Variants in PPP2R3B observed in about 807,000 individuals in gnomAD.
PPP2R3B encodes serine/threonine-protein phosphatase 2A regulatory subunit B'' subunit beta.
A neutral mutation model predicts 72.9 loss-of-function variants in PPP2R3B; 68 were observed. The ratio of observed to expected loss-of-function variants is 0.93; its 90% confidence interval spans 0.77 to 1.14. The LOEUF (loss-of-function observed/expected upper bound fraction) is 1.14, where lower values mean the gene tolerates loss of function less well. PPP2R3B is among the 50% of genes most tolerant of loss of function. The pLI is 0.00. For synonymous variants in PPP2R3B, 466 were observed against 375.8 expected, an observed-to-expected ratio of 1.24 and a Z score of -2.78; for missense variants, 1,018 against 842.0, an observed-to-expected ratio of 1.21 and a Z score of -2.59.
chrX:384,982 C>CA (rs773590401), intron 1 of PPP2R3B, among the ~76,000 whole-genome samples: 27,121 of 62,338 alleles, frequency 0.44, 5,646 homozygotes, highest in Non-Finnish European at 0.48. Flanking sequence ...GAATCTGTCT[C>CA]AAAAAAAAAA....
intron 2 of PPP2R3B, 57 bp from the exon 3 acceptor site, chrX:347,750 G>A (rs1270297958): frequency 7.5e-7 from 1 of 1,333,580 alleles, no homozygotes; most frequent in Non-Finnish European, 1.0e-6. Flanking sequence ...CGGCGCTCCT[G>A]CTGCGTACCT....
At chrX:364,290 A>AG (rs966266292) in intron 1 of PPP2R3B, among the ~76,000 whole-genome samples, 1 of 151,964 alleles carries the variant, frequency 6.6e-6, no homozygotes, top group African/African-American at 2.4e-5. Flanking sequence ...CGAGCTGGGC[A>AG]GGGGGGAGTT....
At chrX:380,860 T>C (rs1190872892) in intron 1 of PPP2R3B, among the ~76,000 whole-genome samples, 2 of 149,736 alleles carry the variant, frequency 1.3e-5, no homozygotes, top group Non-Finnish European at 3.0e-5. Flanking sequence ...GAACTTACTT[T>C]AAAGATGCAT....
intron 1 of PPP2R3B, among the ~76,000 whole-genome samples, chrX:367,429 C>CTTTT (rs113231924): frequency 1.7e-4 from 25 of 149,132 alleles, no homozygotes; most frequent in South Asian, 6.4e-4. Context: ...GTCGACGTTC[C>CTTTT]TTTTTTTTTT....
At position 361,601 on chromosome X, in the gene PPP2R3B, G is replaced by A. The variant is rs755787266; in HGVS notation, c.325-11C>T. ...TTTCCGTGTCTGAACCTGAAGAGTC[G>A]ACAGACAGCGCTCAGTTAGAACCTG... On this transcript the variant is annotated splice_polypyrimidine_tract_variant and intron_variant, in intron 1 of 12. Transcript: ENST00000390665. 9 of 1,613,086 alleles carry A rather than the reference G, an allele frequency of 5.6e-6. No individual in the cohort carries two copies. The highest frequency in any genetic ancestry group is 3.3e-5 in the Admixed American group (2 of 59,960).
intron 12 of PPP2R3B, 121 bp from the exon 13 acceptor site, chrX:334,638 C>A: frequency 8.5e-7 from 1 of 1,169,866 alleles, no homozygotes; most frequent in South Asian, 2.1e-5. Context: ...CTGAGCCGAC[C>A]TTGAGCTCCA....
chrX:379,645 T>C (rs1027277868), intron 1 of PPP2R3B, among the ~76,000 whole-genome samples: 2 of 152,228 alleles, frequency 1.3e-5, no homozygotes, highest in Admixed American at 6.5e-5. Context: ...GATAGAAACT[T>C]AATCAAGGAG....
At chrX:374,968 C>G (rs1263050600) in intron 1 of PPP2R3B, among the ~76,000 whole-genome samples, 1 of 152,138 alleles carries the variant, frequency 6.6e-6, no homozygotes, top group Non-Finnish European at 1.5e-5. Context: ...TCCGAGTGTC[C>G]TAGACTTGGA....
At chrX:350,950 A>C (rs2071317892) in intron 2 of PPP2R3B, among the ~76,000 whole-genome samples, 1 of 152,120 alleles carries the variant, frequency 6.6e-6, no homozygotes, top group Admixed American at 6.5e-5. Context: ...ACGCCAGAGC[A>C]GGGACTGGAG....
chrX:338,766 C>A lies in PPP2R3B; in HGVS notation c.1470+12G>T. On this transcript the variant is annotated intron_variant, in intron 11 of 12. Transcript: ENST00000390665. Reference sequence around the variant, plus strand: ...CGTGGCGCGGCCCGGCCCGCGTGCCCGCCGCACTCACCCTGAGCAGGGAGA... The same window carrying A: ...CGTGGCGCGGCCCGGCCCGCGTGCCAGCCGCACTCACCCTGAGCAGGGAGA... 6.2e-7 allele frequency: 1 copy of A among 1,611,812 alleles called. No homozygotes were observed.
chrX:386,579 C>T lies in PPP2R3B; in HGVS notation c.113G>A (p.Arg38Gln). The change falls in exon 1 of 13, where the codon CGG becomes CAG. Residue 38 changes from arginine (R) to glutamine (Q), a missense_variant. Physicochemically the swap from Arg to Gln is conservative, Grantham distance 43. Coordinates refer to ENST00000390665, the MANE Select transcript of PPP2R3B (RefSeq NM_013239.5). Reference sequence around the variant, plus strand: ...CTGGTCCCGCCCGGGCGCCTTGATCCGGCGCAGGCAGTCCTGCAGCATCCG... The same window carrying T: ...CTGGTCCCGCCCGGGCGCCTTGATCTGGCGCAGGCAGTCCTGCAGCATCCG... ...TQRMLQDCLR[R>Q]IKAPGRDQPT... 1 of 1,448,740 alleles carries T rather than the reference C, an allele frequency of 6.9e-7. No individual in the cohort carries two copies. The highest frequency in any genetic ancestry group is 3.1e-5 in the East Asian group (1 of 32,352). 89.7% of individuals were successfully genotyped at this position (1,448,740 alleles called of 1,614,324 possible).
chrX:345,356 G>A (rs1156781960), intron 7 of PPP2R3B, 160 bp downstream of exon 7: 3 of 1,032,490 alleles, frequency 2.9e-6, no homozygotes, highest in East Asian at 5.2e-5. Context: ...ACTGGGGAAG[G>A]AGAGGCAGCT....
chrX:352,997 G>A (rs1017386781), intron 2 of PPP2R3B, among the ~76,000 whole-genome samples: 5 of 151,658 alleles, frequency 3.3e-5, no homozygotes, highest in Non-Finnish European at 2.9e-5. Context: ...GGGCTCTGCT[G>A]GGGGGTGACT....
Position 334,121 on chromosome X carries a change from C to A in PPP2R3B, c.*246G>T. The A allele has an allele frequency of 2.5e-6, 1 of 397,776 alleles. No homozygotes were observed. Among genetic ancestry groups the A allele is most frequent in the Non-Finnish European group, 4.4e-6 (1 of 228,060 alleles). 24.6% of individuals were successfully genotyped at this position (397,776 alleles called of 1,614,324 possible). A position where few individuals can be genotyped will look rare whatever the true frequency, so the allele number is the denominator to read the frequency against. On this transcript the variant is annotated 3_prime_UTR_variant, in exon 13 of 13. Coordinates refer to ENST00000390665, the MANE Select transcript of PPP2R3B (RefSeq NM_013239.5). ...CCCAGGCTGGGTCGGGAACGGCAAG[C>A]GCCAGAGGGTGTCCGTGTGGGAACC...
chrX:380,821 C>T (rs1223094318), intron 1 of PPP2R3B, among the ~76,000 whole-genome samples: 2 of 148,210 alleles, frequency 1.3e-5, no homozygotes, highest in Non-Finnish European at 3.0e-5. Context: ...AGCAGCTCAT[C>T]CACATGAGGT....
intron 1 of PPP2R3B, among the ~76,000 whole-genome samples, chrX:382,532 T>C (rs954826649): frequency 2.2e-4 from 33 of 147,624 alleles, no homozygotes; most frequent in Non-Finnish European, 4.5e-4. Context: ...CTGCCCCCTA[T>C]ACCCAATAAA....
intron 2 of PPP2R3B, chrX:359,760 A>T (rs1434932756): frequency 2.1e-6 from 1 of 474,178 alleles, no homozygotes; most frequent in Non-Finnish European, 4.1e-6. Flanking sequence ...GTTCATACTC[A>T]TACACATATT....
rs774292498 is a variant in PPP2R3B at position 334,378 on chromosome X, C to T, written c.1717G>A (p.Glu573Lys). Reference sequence around the variant, plus strand: ...TCTCGCGGGCGGCGTCACAGCGGCTCCAGGTCCTCGTCCCCGCATGCGTAC... The same window carrying T: ...TCTCGCGGGCGGCGTCACAGCGGCTTCAGGTCCTCGTCCCCGCATGCGTAC... ...YEYACGDEDL[E>K]PL The change falls in exon 13 of 13, where the codon GAG becomes AAG. Residue 573 changes from glutamate to lysine, a missense_variant. Coordinates refer to ENST00000390665, the MANE Select transcript of PPP2R3B (RefSeq NM_013239.5). 2.6e-6 allele frequency: 4 copies of T among 1,516,812 alleles called. No homozygotes were observed. The highest frequency in any genetic ancestry group is 2.5e-5 in the South Asian group (2 of 80,898). The allele number at this position is 1,516,812 out of a possible 1,614,324, so 94.0% of individuals were successfully genotyped here.
chrX:386,435 C>G lies in PPP2R3B; in HGVS notation c.257G>C (p.Gly86Ala). The G allele has an allele frequency of 7.6e-7, 1 of 1,318,520 alleles. No homozygotes were observed. The highest frequency in any genetic ancestry group is 2.8e-5 in the East Asian group (1 of 35,792). The allele number at this position is 1,318,520 out of a possible 1,614,324, so 81.7% of individuals were successfully genotyped here. A position where few individuals can be genotyped will look rare whatever the true frequency, so the allele number is the denominator to read the frequency against. The change falls in exon 1 of 13, where the codon GGC becomes GCC. Residue 86 changes from glycine (G) to alanine (A), a missense_variant. Physicochemically the swap from Gly to Ala is moderately conservative, Grantham distance 60. Transcript: ENST00000390665. ...TPGPGPALPL[G>A]AASSPRNAPH... Reference sequence around the variant, plus strand: ...CGCGTTCCTGGGGCTGGAGGCGGCGCCCAGGGGCAGCGCAGGGCCCGGCCC... The same window carrying G: ...CGCGTTCCTGGGGCTGGAGGCGGCGGCCAGGGGCAGCGCAGGGCCCGGCCC...
Sources: allele counts gnomAD v4.1 joint callset (sites outside exome capture counted in the v4.1 genomes callset), GRCh38; gene constraint gnomAD v4.1.1; transcripts MANE v1.5; gene names NCBI Gene and HGNC (gene_info 2026-07-23, HGNC 2026-07-21).